BMPR1B: variants seen among roughly 807,000 people sequenced by gnomAD.
BMPR1B encodes the protein bone morphogenetic protein receptor type 1B.
In BMPR1B, 12 loss-of-function variants were observed where a neutral mutation model predicts 59.1. The ratio of observed to expected loss-of-function variants is 0.20; its 90% CI spans 0.13 to 0.33. The LOEUF is 0.33. Among genes scored for constraint, BMPR1B ranks in the 10% least tolerant of loss-of-function variants. The probability of loss-of-function intolerance (pLI) is 1.00; values close to 1 mark genes in which losing one functional copy is unlikely to be tolerated. For synonymous variants in BMPR1B, 237 were observed against 207.3 expected (o/e 1.14, Z -1.23); for missense variants, 550 against 610.9 (o/e 0.90, Z 1.05).
At chr4:95,114,057 T>C (rs1332631154) in intron 4 of BMPR1B, among the ~76,000 whole-genome samples, 1 of 152,120 alleles carries the variant, frequency 6.6e-6, no homozygotes, top group Non-Finnish European at 1.5e-5. Flanking sequence ...AAGCCTATAC[T>C]TCTTACAACA....
chr4:95,139,837 G>A (rs762874524), intron 10 of BMPR1B, among the ~76,000 whole-genome samples: 98 of 152,202 alleles, frequency 6.4e-4, no homozygotes, highest in Admixed American at 5.2e-4. Context: ...GTGTGTCATG[G>A]CTTCCCTTGG....
intron 3 of BMPR1B, among the ~76,000 whole-genome samples, chr4:95,076,906 G>T (rs1044574176): frequency 2.0e-5 from 3 of 152,154 alleles, no homozygotes; most frequent in African/African-American, 7.2e-5. Flanking sequence ...TGGAATGGAA[G>T]ATTGAATCAG....
At chr4:94,957,333 GTTTTTT>G (rs56341742) in intron 2 of BMPR1B, among the ~76,000 whole-genome samples, 53 of 65,662 alleles carry the variant, frequency 8.1e-4, no homozygotes, top group South Asian at 2.9e-3. Flanking sequence ...CCTGTTTCGT[GTTTTTT>G]TTTTTTTTTT....
intron 2 of BMPR1B, among the ~76,000 whole-genome samples, chr4:94,878,886 G>C (rs1726846952): frequency 6.6e-6 from 1 of 151,918 alleles, no homozygotes; most frequent in African/African-American, 2.4e-5. Context: ...AAGATGATCA[G>C]CTCTTTGACT....
At chr4:94,899,356 T>C (rs967149259) in intron 2 of BMPR1B, among the ~76,000 whole-genome samples, 23 of 151,470 alleles carry the variant, frequency 1.5e-4, no homozygotes, top group Non-Finnish European at 3.4e-4. Context: ...ACTACAACTT[T>C]TCAGGCCACT....
chr4:95,042,852 G>T (rs569681761), intron 3 of BMPR1B, among the ~76,000 whole-genome samples: 25 of 152,210 alleles, frequency 1.6e-4, no homozygotes, highest in African/African-American at 6.0e-4. Flanking sequence ...TATTTTCCAG[G>T]TGATGGTTTA....
chr4:94,843,497 G>A (rs1725181548), intron 1 of BMPR1B, among the ~76,000 whole-genome samples: 1 of 152,064 alleles, frequency 6.6e-6, no homozygotes, highest in African/African-American at 2.4e-5. Flanking sequence ...GAATGGTAAT[G>A]GTTCCATTCT....
At chr4:95,120,610 T>TTTCCTTCC (rs777085969) in intron 6 of BMPR1B, among the ~76,000 whole-genome samples, 7,925 of 122,598 alleles carry the variant, frequency 0.065, 419 homozygotes, top group South Asian at 0.093. Context: ...ATAGCCTGCC[T>TTTCCTTCC]TTCCTTCCTT....
chr4:94,838,114 TAATC>T (rs1255891566), intron 1 of BMPR1B, among the ~76,000 whole-genome samples: 2 of 144,232 alleles, frequency 1.4e-5, no homozygotes, highest in East Asian at 3.9e-4. Flanking sequence ...GAAGCCCACT[TAATC>T]ATGGTGGATA....
At chr4:95,110,423 G>T (rs1731546621) in intron 4 of BMPR1B, among the ~76,000 whole-genome samples, 1 of 152,004 alleles carries the variant, frequency 6.6e-6, no homozygotes, top group South Asian at 2.1e-4. Flanking sequence ...ATAAATAAAA[G>T]GGGCATCTCT....
intron 8 of BMPR1B, among the ~76,000 whole-genome samples, chr4:95,125,934 G>A (rs528830324): frequency 2.0e-5 from 3 of 152,212 alleles, no homozygotes; most frequent in African/African-American, 7.2e-5. Flanking sequence ...TTCCCAGTAT[G>A]CTGCCTGGGC....
At chr4:94,887,143 A>G (rs953459719) in intron 2 of BMPR1B, among the ~76,000 whole-genome samples, 1 of 151,928 alleles carries the variant, frequency 6.6e-6, no homozygotes, top group African/African-American at 2.4e-5. Flanking sequence ...AGAACCACAA[A>G]CTTGGAGGAC....
intron 1 of BMPR1B, among the ~76,000 whole-genome samples, chr4:94,807,297 T>C (rs1336988625): frequency 6.6e-6 from 1 of 152,116 alleles, no homozygotes; most frequent in Non-Finnish European, 1.5e-5. Context: ...GATTTCACCA[T>C]GTTGTCCAGG....
chr4:94,997,920 G>GT (rs1203485227), intron 3 of BMPR1B, among the ~76,000 whole-genome samples: 1 of 151,852 alleles, frequency 6.6e-6, no homozygotes, highest in Non-Finnish European at 1.5e-5. Context: ...TATTGGTTTT[G>GT]TTTTTATTCC....
At chr4:94,915,444 G>A (rs1728446243) in intron 2 of BMPR1B, among the ~76,000 whole-genome samples, 1 of 152,058 alleles carries the variant, frequency 6.6e-6, no homozygotes, top group Admixed American at 6.6e-5. Context: ...TTACATAACA[G>A]CACACATAAA....
intron 3 of BMPR1B, among the ~76,000 whole-genome samples, chr4:95,097,616 C>A (rs1730522825): frequency 6.6e-6 from 1 of 152,124 alleles, no homozygotes; most frequent in Admixed American, 6.6e-5. Context: ...CAGCTCACTG[C>A]AACCTCCACC....
intron 1 of BMPR1B, among the ~76,000 whole-genome samples, chr4:94,823,786 C>T (rs1036765357): frequency 2.0e-5 from 3 of 151,642 alleles, no homozygotes; most frequent in South Asian, 4.2e-4. Flanking sequence ...CTCGCTCTGT[C>T]GCCCAGGCTG....
chr4:94,807,966 G>A (rs1362821264), intron 1 of BMPR1B, among the ~76,000 whole-genome samples: 1 of 152,076 alleles, frequency 6.6e-6, no homozygotes, highest in African/African-American at 2.4e-5. Context: ...GGGATTACAG[G>A]GGTGAGCCAC....
chr4:94,988,624 G>A (rs1280159251), intron 2 of BMPR1B, among the ~76,000 whole-genome samples: 2 of 152,104 alleles, frequency 1.3e-5, no homozygotes, highest in Non-Finnish European at 2.9e-5. Context: ...CAGTTGAAAA[G>A]AACAAATGAC....
Sources: allele counts gnomAD v4.1 joint callset (sites outside exome capture counted in the v4.1 genomes callset), GRCh38; gene constraint gnomAD v4.1.1; transcripts MANE v1.5; gene names NCBI Gene and HGNC (gene_info 2026-07-23, HGNC 2026-07-21).